AFF2: variants seen among roughly 807,000 people sequenced by gnomAD.
AFF2 encodes the protein AF4/FMR2 family member 2.
AFF2 carries 14 observed loss-of-function variants against 76.9 expected under a neutral mutation model. The ratio of observed to expected loss-of-function variants is 0.18; its 90% CI spans 0.12 to 0.28. The LOEUF is 0.28. Among genes scored for constraint, AFF2 ranks in the 10% least tolerant of loss-of-function variants. AFF2 has a pLI of 1.00. For missense variants in AFF2, 868 were observed against 1,001.1 expected, an observed-to-expected ratio of 0.87 and a Z score of 1.79; for synonymous variants, 398 against 366.7, an observed-to-expected ratio of 1.09 and a Z score of -0.98.
intron 1 of AFF2, among the ~76,000 whole-genome samples, chrX:148,626,884 T>C (rs2073776969): frequency 9.0e-6 from 1 of 111,470 alleles, no homozygotes. Context: ...TCACGGGTTC[T>C]GGGTGAACAT....
intron 1 of AFF2, among the ~76,000 whole-genome samples, chrX:148,543,377 C>G (rs1245413907): frequency 1.8e-5 from 2 of 111,508 alleles, no homozygotes; most frequent in African/African-American, 3.3e-5. Flanking sequence ...TGATTGGACC[C>G]CCTACCCTGT....
At chrX:148,788,460 C>T (rs781951625) in intron 3 of AFF2, among the ~76,000 whole-genome samples, 21 of 111,925 alleles carry the variant, frequency 1.9e-4, no homozygotes, top group Admixed American at 1.1e-3. Context: ...GAGGGTCCAT[C>T]GCTATTTATA....
intron 3 of AFF2, among the ~76,000 whole-genome samples, chrX:148,728,133 G>A (rs1442783509): frequency 5.3e-5 from 6 of 112,325 alleles, no homozygotes; most frequent in Non-Finnish European, 9.4e-5. Context: ...ACTCCAAAAA[G>A]AGCTGCTGCC....
At chrX:148,703,280 G>C (rs1438262175) in intron 3 of AFF2, among the ~76,000 whole-genome samples, 1 of 111,833 alleles carries the variant, frequency 8.9e-6, no homozygotes, top group Admixed American at 9.5e-5. Flanking sequence ...GGGCCCGGAA[G>C]ACAAAGGAAT....
At chrX:148,788,731 T>C (rs2069854456) in intron 3 of AFF2, among the ~76,000 whole-genome samples, 3 of 112,380 alleles carry the variant, frequency 2.7e-5, no homozygotes, top group African/African-American at 6.5e-5. Context: ...AGTGCTGTGA[T>C]GGTAGCGTGT....
intron 3 of AFF2, among the ~76,000 whole-genome samples, chrX:148,746,527 G>A (rs1557266085): frequency 1.8e-5 from 2 of 112,147 alleles, no homozygotes; most frequent in Non-Finnish European, 3.8e-5. Flanking sequence ...TTTATCTGTT[G>A]GAGCACATTA....
chrX:148,613,760 C>T (rs34444240), intron 1 of AFF2, among the ~76,000 whole-genome samples: 30,325 of 110,777 alleles, frequency 0.27, 3,672 homozygotes, highest in African/African-American at 0.49. Context: ...TTTATATACT[C>T]TAACTGATCT....
At chrX:148,923,025 A>G (rs782626910) in intron 9 of AFF2, among the ~76,000 whole-genome samples, 7 of 111,982 alleles carry the variant, frequency 6.3e-5, no homozygotes, top group Non-Finnish European at 1.3e-4. Context: ...TGTTCATTAG[A>G]GGAAGCACAT....
intron 2 of AFF2, among the ~76,000 whole-genome samples, chrX:148,656,752 G>A (rs2054257892): frequency 2.7e-5 from 3 of 109,819 alleles, no homozygotes; most frequent in African/African-American, 1.0e-4. Flanking sequence ...CGCCCGCCTC[G>A]GCCTCCCAAA....
intron 3 of AFF2, among the ~76,000 whole-genome samples, chrX:148,756,414 T>G (rs1233424427): frequency 8.9e-6 from 1 of 112,294 alleles, no homozygotes; most frequent in Non-Finnish European, 1.9e-5. Flanking sequence ...GCTTTCCATT[T>G]TGCTGGTGAA....
At chrX:148,903,586 G>A (rs1412657385) in intron 8 of AFF2, among the ~76,000 whole-genome samples, 1 of 112,114 alleles carries the variant, frequency 8.9e-6, no homozygotes, top group African/African-American at 3.2e-5. Context: ...AATGCAGGCC[G>A]AGAGGCCCAG....
rs1557239129 is a variant in AFF2 at position 148,552,784 on chromosome X, C to G, written c.47+51640C>G. Among the ~76,000 whole-genome samples, 3 of 112,014 alleles carry G rather than the reference C, an allele frequency of 2.7e-5. No individual in the cohort carries two copies. The East Asian group carries it at 8.4e-4, about 31-fold the overall frequency. On this transcript the variant is annotated intron_variant, in intron 1 of 20. Coordinates refer to ENST00000370460, the MANE Select transcript of AFF2 (RefSeq NM_002025.4). ...TCTGGGAGAATGGAGAATGGAAGACCTTAGAGCTTTAGATTTTTCTCTAAC... is the reference window on the plus strand; with the variant it reads ...TCTGGGAGAATGGAGAATGGAAGACGTTAGAGCTTTAGATTTTTCTCTAAC...
chrX:148,864,315 C>T (rs2070882563), intron 7 of AFF2, among the ~76,000 whole-genome samples: 1 of 112,136 alleles, frequency 8.9e-6, no homozygotes, highest in South Asian at 3.7e-4. Flanking sequence ...GCTTCTCTGC[C>T]TCTGTAACTT....
intron 9 of AFF2, among the ~76,000 whole-genome samples, chrX:148,944,143 G>A (rs935687868): frequency 4.1e-4 from 46 of 112,321 alleles, no homozygotes; most frequent in African/African-American, 1.4e-3. Context: ...AGCATGCTTT[G>A]TACTTTCCTA....
chrX:148,720,842 A>T (rs782618181), intron 3 of AFF2, among the ~76,000 whole-genome samples: 1 of 111,850 alleles, frequency 8.9e-6, no homozygotes, highest in Non-Finnish European at 1.9e-5. Context: ...GCATTTTTGA[A>T]ATGGGTCTAG....
intron 7 of AFF2, among the ~76,000 whole-genome samples, chrX:148,844,920 C>T (rs1200281454): frequency 2.7e-5 from 3 of 111,363 alleles, no homozygotes; most frequent in Non-Finnish European, 5.7e-5. Flanking sequence ...ACCATAATCC[C>T]GATTTAAGGA....
At chrX:148,776,451 G>A (rs1410526109) in intron 3 of AFF2, among the ~76,000 whole-genome samples, 2 of 111,973 alleles carry the variant, frequency 1.8e-5, no homozygotes, top group African/African-American at 6.5e-5. Flanking sequence ...TTCCACAATG[G>A]TTGAACTAAT....
chrX:148,522,557 C>T (rs2052613640), intron 1 of AFF2, among the ~76,000 whole-genome samples: 1 of 112,097 alleles, frequency 8.9e-6, no homozygotes, highest in Non-Finnish European at 1.9e-5. Flanking sequence ...TTTCTATTCA[C>T]TATTTTACTG....
intron 1 of AFF2, among the ~76,000 whole-genome samples, chrX:148,610,132 G>C (rs782817066): frequency 1.8e-5 from 2 of 111,710 alleles, no homozygotes; most frequent in Non-Finnish European, 3.8e-5. Context: ...AGAGAGAGAG[G>C]GGGGTGGAAG....
Sources: gnomAD v4.1 joint callset for allele counts (sites outside exome capture counted in the v4.1 genomes callset) on GRCh38, gnomAD v4.1.1 for gene constraint, MANE v1.5 for transcripts, NCBI Gene and HGNC (gene_info 2026-07-23, HGNC 2026-07-21) for gene names.